Variants in ENOX1 observed in about 807,000 individuals in gnomAD.
ENOX1 encodes candidate growth-related and time keeping constitutive hydroquinone (NADH) oxidase.
In ENOX1, 42 loss-of-function variants were observed where a neutral mutation model predicts 82.5. The observed-to-expected ratio is 0.51, with a 90% CI of 0.40 to 0.66. The LOEUF is 0.66. Ranked by LOEUF, ENOX1 falls within the 30% of genes least tolerant of loss-of-function variation. The pLI, the probability that ENOX1 is intolerant of heterozygous loss-of-function variation, is 0.00. For synonymous variants in ENOX1, 271 were observed against 282.2 expected (o/e 0.96, Z 0.40); for missense variants, 608 against 811.6 (o/e 0.75, Z 3.05).
At chr13:43,304,776 A>G (rs1418698264) in intron 11 of ENOX1, among the ~76,000 whole-genome samples, 2 of 152,156 alleles carry the variant, frequency 1.3e-5, no homozygotes, top group Non-Finnish European at 2.9e-5. Flanking sequence ...ACTGATACCC[A>G]CTAATCCCAG....
At chr13:43,390,500 G>GATA (rs1403811488) in intron 5 of ENOX1, among the ~76,000 whole-genome samples, 3 of 152,084 alleles carry the variant, frequency 2.0e-5, no homozygotes, top group Admixed American at 6.5e-5. Flanking sequence ...GGTGGCTTAT[G>GATA]ATAATACTTA....
At chr13:43,435,220 G>A (rs2055946465) in intron 3 of ENOX1, among the ~76,000 whole-genome samples, 1 of 152,082 alleles carries the variant, frequency 6.6e-6, no homozygotes, top group South Asian at 2.1e-4. Context: ...ACAACCTGGA[G>A]CAAATGAAAA....
At chr13:43,672,544 T>C (rs948374437) in intron 1 of ENOX1, among the ~76,000 whole-genome samples, 1 of 152,176 alleles carries the variant, frequency 6.6e-6, no homozygotes, top group Non-Finnish European at 1.5e-5. Flanking sequence ...ATGTCTTCTT[T>C]AAGAGGGGCA....
chr13:43,569,073 AAAGT>A (rs2080054021), intron 2 of ENOX1, among the ~76,000 whole-genome samples: 1 of 152,234 alleles, frequency 6.6e-6, no homozygotes, highest in Non-Finnish European at 1.5e-5. Flanking sequence ...TTTAAAAACA[AAAGT>A]AATAGAAAAT....
In ENOX1 at chr13:43,496,578, C is replaced by T. The variant is rs973278639; in HGVS notation, c.-218-12426G>A. ...GACTATTTATTTAGAGATAGGGTCT[C>T]GCTATGTTGCCCAGGCTGGTCTTAG... On this transcript the variant is annotated intron_variant, in intron 2 of 16. Transcript: ENST00000690772. Among the ~76,000 whole-genome samples, 131 of 151,874 alleles carry T rather than the reference C, an allele frequency of 8.6e-4. 1 individual carries two copies. Among genetic ancestry groups the T allele is most frequent in the Admixed American group, 8.2e-3 (125 of 15,232 alleles).
intron 9 of ENOX1, among the ~76,000 whole-genome samples, chr13:43,341,016 G>C (rs2049020968): frequency 6.6e-6 from 1 of 152,072 alleles, no homozygotes; most frequent in South Asian, 2.1e-4. Context: ...AGATTCAGTG[G>C]GCTGGGCACA....
At chr13:43,709,242 G>T (rs1159161858) in intron 1 of ENOX1, among the ~76,000 whole-genome samples, 1 of 151,992 alleles carries the variant, frequency 6.6e-6, no homozygotes, top group Non-Finnish European at 1.5e-5. Flanking sequence ...TATTGATGAG[G>T]TAATAGGCCA....
chr13:43,720,967 G>A (rs2088530820), intron 1 of ENOX1, among the ~76,000 whole-genome samples: 1 of 152,190 alleles, frequency 6.6e-6, no homozygotes, highest in South Asian at 2.1e-4. Context: ...CTAAATAGTA[G>A]TCAACCACTT....
chr13:43,563,161 T>TA (rs1337216490), intron 2 of ENOX1, among the ~76,000 whole-genome samples: 1 of 151,850 alleles, frequency 6.6e-6, no homozygotes, highest in African/African-American at 2.4e-5. Flanking sequence ...GGAAATTTTT[T>TA]AAAAAAAATA....
intron 1 of ENOX1, among the ~76,000 whole-genome samples, chr13:43,751,082 G>A (rs929971207): frequency 2.0e-5 from 3 of 152,116 alleles, no homozygotes; most frequent in Non-Finnish European, 4.4e-5. Context: ...CTGGCTGCCA[G>A]GACCCCACAT....
At chr13:43,308,754 A>G (rs1190604856) in intron 11 of ENOX1, among the ~76,000 whole-genome samples, 1 of 152,216 alleles carries the variant, frequency 6.6e-6, no homozygotes, top group Non-Finnish European at 1.5e-5. Flanking sequence ...GGTGATTCTC[A>G]TGTGCAGACG....
At chr13:43,490,700 T>A (rs987675586) in intron 2 of ENOX1, among the ~76,000 whole-genome samples, 8 of 152,184 alleles carry the variant, frequency 5.3e-5, no homozygotes, top group Non-Finnish European at 1.5e-5. Flanking sequence ...GGAATAACCA[T>A]CTTGGAAGAA....
At chr13:43,381,930 G>C (rs79744970) in intron 5 of ENOX1, among the ~76,000 whole-genome samples, 5,853 of 152,094 alleles carry the variant, frequency 0.038, 152 homozygotes, top group South Asian at 0.1. Flanking sequence ...TACTCTAGTA[G>C]AGGTTAAATC....
At chr13:43,485,991 A>G (rs2076399800) in intron 2 of ENOX1, among the ~76,000 whole-genome samples, 1 of 152,156 alleles carries the variant, frequency 6.6e-6, no homozygotes, top group Non-Finnish European at 1.5e-5. Context: ...TGGGTGGATC[A>G]TGAGGTCAGG....
intron 9 of ENOX1, among the ~76,000 whole-genome samples, chr13:43,340,740 T>C (rs1326075505): frequency 6.6e-6 from 1 of 152,232 alleles, no homozygotes; most frequent in African/African-American, 2.4e-5. Flanking sequence ...CTAATATCAA[T>C]GCCAAACTAC....
intron 2 of ENOX1, chr13:43,545,907 G>A (rs1431926068): frequency 6.6e-6 from 1 of 152,346 alleles, no homozygotes; most frequent in East Asian, 1.9e-4. Flanking sequence ...ATAGGTGCAG[G>A]GGAGGATGTT....
intron 1 of ENOX1, among the ~76,000 whole-genome samples, chr13:43,726,928 G>A (rs188128947): frequency 5.3e-5 from 8 of 152,050 alleles, no homozygotes; most frequent in African/African-American, 1.9e-4. Flanking sequence ...TTTTAACGGA[G>A]ATGGGGTTTC....
At chr13:43,702,983 A>AAAAAAAAAAAATT (rs71099842) in intron 1 of ENOX1, among the ~76,000 whole-genome samples, 1 of 135,348 alleles carries the variant, frequency 7.4e-6, no homozygotes, top group Non-Finnish European at 1.6e-5. Flanking sequence ...AAAAAAAAAA[A>AAAAAAAAAAAATT]GTTTGAGGAA....
At chr13:43,529,737 G>C (rs948610566) in intron 2 of ENOX1, among the ~76,000 whole-genome samples, 1 of 152,062 alleles carries the variant, frequency 6.6e-6, no homozygotes, top group Non-Finnish European at 1.5e-5. Context: ...CATCCCCTTG[G>C]TTAAGGGGGC....
Sources: gnomAD v4.1 joint callset for allele counts (sites outside exome capture counted in the v4.1 genomes callset) on GRCh38, gnomAD v4.1.1 for gene constraint, MANE v1.5 for transcripts, NCBI Gene and HGNC (gene_info 2026-07-23, HGNC 2026-07-21) for gene names.